The following DTNA variants were observed in gnomAD, a reference collection of about 807,000 sequenced individuals.
DTNA encodes dystrobrevin alpha, also known as dystrophin-related protein 3.
DTNA carries 43 observed loss-of-function variants against 100.7 expected under a neutral mutation model. The observed-to-expected ratio is 0.43, with a 90% CI of 0.33 to 0.55. DTNA has a LOEUF of 0.55. Ranked by LOEUF, DTNA falls within the 20% of genes least tolerant of loss-of-function variation. DTNA has a pLI of 0.04. For missense variants in DTNA, 798 were observed against 953.9 expected, an observed-to-expected ratio of 0.84 and a Z score of 2.15; for synonymous variants, 349 against 347.9, an observed-to-expected ratio of 1.00 and a Z score of -0.04.
At chr18:34,515,881 A>G (rs1367684475) in intron 1 of DTNA, among the ~76,000 whole-genome samples, 1 of 152,102 alleles carries the variant, frequency 6.6e-6, no homozygotes, top group Non-Finnish European at 1.5e-5. Flanking sequence ...GTGGAACATT[A>G]AAACTGAAAG....
chr18:34,889,296 G>T lies in DTNA; in HGVS notation c.*1562G>T. 1.0e-6 allele frequency: 1 copy of T among 982,902 alleles called. No individual in the cohort carries two copies. Among genetic ancestry groups the T allele is most frequent in the Non-Finnish European group, 1.2e-6 (1 of 827,688 alleles). The allele number at this position is 982,902 out of a possible 1,614,324, so 60.9% of individuals were successfully genotyped here. ...ATCTGCAACACTTAGGAAGGTCTTC[G>T]AAATACTAATTTGTAAGCCCCACCT... On this transcript the variant is annotated 3_prime_UTR_variant, in exon 23 of 23. Transcript: ENST00000444659.
chr18:34,600,915 G>A (rs541061787), intron 1 of DTNA, among the ~76,000 whole-genome samples: 1 of 152,338 alleles, frequency 6.6e-6, no homozygotes, highest in East Asian at 1.9e-4. Flanking sequence ...ACCTGGAAAT[G>A]ACCCATTTTC....
chr18:34,741,067 G>T (rs578222475), intron 1 of DTNA, among the ~76,000 whole-genome samples: 2 of 152,090 alleles, frequency 1.3e-5, no homozygotes, highest in African/African-American at 4.8e-5. Flanking sequence ...CGTTCTCTGC[G>T]CAGGTCCATT....
intron 5 of DTNA, 151 bp downstream of exon 5, chr18:34,806,455 T>G (rs1433510678): frequency 1.4e-6 from 1 of 724,320 alleles, no homozygotes; most frequent in Admixed American, 2.2e-5. Context: ...TGTTTGGATT[T>G]TGTCATAGCG....
intron 1 of DTNA, among the ~76,000 whole-genome samples, chr18:34,553,922 T>G (rs964440951): frequency 4.6e-5 from 7 of 151,080 alleles, no homozygotes; most frequent in Admixed American, 1.3e-4. Context: ...AAGAAAGTCA[T>G]TGGTAGCTTG....
At chr18:34,766,378 C>T (rs2093468691) in intron 3 of DTNA, among the ~76,000 whole-genome samples, 1 of 152,126 alleles carries the variant, frequency 6.6e-6, no homozygotes, top group South Asian at 2.1e-4. Flanking sequence ...ATCATAAATG[C>T]AGTGCCATCA....
intron 1 of DTNA, among the ~76,000 whole-genome samples, chr18:34,721,266 T>C (rs557608036): frequency 6.6e-6 from 1 of 152,340 alleles, no homozygotes; most frequent in South Asian, 2.1e-4. Flanking sequence ...AAATGGCTAT[T>C]ACAAATAAAG....
At chr18:34,813,142 A>G (rs1320649885) in intron 6 of DTNA, among the ~76,000 whole-genome samples, 2 of 152,162 alleles carry the variant, frequency 1.3e-5, no homozygotes, top group African/African-American at 4.8e-5. Flanking sequence ...AGGTTAGTTT[A>G]CCATTTTTTG....
intron 13 of DTNA, among the ~76,000 whole-genome samples, chr18:34,840,337 C>A (rs2096245370): frequency 6.6e-6 from 1 of 152,150 alleles, no homozygotes; most frequent in South Asian, 2.1e-4. Context: ...GAGTTTGGTA[C>A]TCCAGTGTTA....
At position 34,829,047 on chromosome 18, in the gene DTNA, C is replaced by G. The variant is rs201788110; in HGVS notation, c.1086-353C>G. The G allele has an allele frequency of 3.1e-6, 5 of 1,614,086 alleles. No individual in the cohort carries two copies. In the South Asian group the frequency reaches 5.5e-5, roughly 18 times the overall value. ...TCATTTTATATCATTTCAGCTCGGA[C>G]GGTGCTTTTGGTGGATGCGTCTAGA... On this transcript the variant is annotated intron_variant, in intron 10 of 22. Coordinates refer to ENST00000444659, the MANE Select transcript of DTNA (RefSeq NM_001386795.1).
At chr18:34,887,507 T>C (rs1260036183) in intron 22 of DTNA, among the ~76,000 whole-genome samples, 1 of 152,170 alleles carries the variant, frequency 6.6e-6, no homozygotes, top group African/African-American at 2.4e-5. Flanking sequence ...GCTTTTCCCC[T>C]CCAGATGCCT....
chr18:34,726,915 A>T, intron 1 of DTNA, among the ~76,000 whole-genome samples: 1 of 152,228 alleles, frequency 6.6e-6, no homozygotes, highest in East Asian at 1.9e-4. Flanking sequence ...CTAGGAAAGT[A>T]TCTTTGTGGA....
intron 1 of DTNA, among the ~76,000 whole-genome samples, chr18:34,648,791 T>C (rs1301906490): frequency 6.6e-6 from 1 of 152,246 alleles, no homozygotes. Context: ...TCCCTTTGTC[T>C]TCAAGAAATA....
chr18:34,825,900 G>C (rs776352233), intron 9 of DTNA, among the ~76,000 whole-genome samples: 5 of 152,120 alleles, frequency 3.3e-5, no homozygotes, highest in Non-Finnish European at 7.4e-5. Flanking sequence ...TCTGTTCACT[G>C]TTTTAAAATC....
At chr18:34,588,239 C>CT (rs1567959935) in intron 1 of DTNA, among the ~76,000 whole-genome samples, 1 of 152,164 alleles carries the variant, frequency 6.6e-6, no homozygotes, top group East Asian at 1.9e-4. Context: ...TAAAACCTCT[C>CT]TTAAGTGTTT....
chr18:34,804,256 A>G (rs548956606), intron 4 of DTNA, among the ~76,000 whole-genome samples: 2 of 152,328 alleles, frequency 1.3e-5, no homozygotes, highest in African/African-American at 4.8e-5. Flanking sequence ...CAGTACAACA[A>G]CAGAAATGGT....
intron 1 of DTNA, among the ~76,000 whole-genome samples, chr18:34,535,880 T>A (rs771374335): frequency 4.6e-5 from 7 of 152,190 alleles, no homozygotes; most frequent in Non-Finnish European, 7.4e-5. Flanking sequence ...AGCACATGAA[T>A]GTGTTCTCAT....
At chr18:34,562,262 G>A (rs16959990) in intron 1 of DTNA, among the ~76,000 whole-genome samples, 15,380 of 151,868 alleles carry the variant, frequency 0.1, 1,144 homozygotes, top group African/African-American at 0.2. Context: ...TTTAAAAAAC[G>A]AACCCTGCCC....
chr18:34,874,555 C>A (rs1338224942), intron 17 of DTNA, among the ~76,000 whole-genome samples: 1 of 152,046 alleles, frequency 6.6e-6, no homozygotes, highest in Non-Finnish European at 1.5e-5. Flanking sequence ...TCTTATTGTC[C>A]TGCTAGAATA....
Sources: allele counts gnomAD v4.1 joint callset (sites outside exome capture counted in the v4.1 genomes callset), GRCh38; gene constraint gnomAD v4.1.1; transcripts MANE v1.5; gene names NCBI Gene and HGNC (gene_info 2026-07-23, HGNC 2026-07-21).